CACNA2D1: variants seen among roughly 807,000 people sequenced by gnomAD.
CACNA2D1 encodes voltage-dependent calcium channel subunit alpha-2/delta-1.
CACNA2D1 carries 53 observed loss-of-function variants against 171.5 expected under a neutral mutation model. The ratio of observed to expected loss-of-function variants is 0.31; its 90% CI spans 0.25 to 0.39. The LOEUF (loss-of-function observed/expected upper bound fraction) is 0.39. CACNA2D1 is among the 10% of genes least tolerant of loss of function. The pLI is 1.00. For missense variants in CACNA2D1, 903 were observed against 1,299.8 expected (o/e 0.69, Z 4.69); for synonymous variants, 442 against 443.1 (o/e 1.00, Z 0.03).
At chr7:82,022,148 C>G (rs1048846009) in intron 12 of CACNA2D1, among the ~76,000 whole-genome samples, 3 of 151,376 alleles carry the variant, frequency 2.0e-5, no homozygotes, top group African/African-American at 7.3e-5. Flanking sequence ...TAAAATATTC[C>G]TTAGTTTGAG....
chr7:82,060,405 A>G (rs772948410), intron 10 of CACNA2D1, 23 bp downstream of exon 10: 2 of 1,492,194 alleles, frequency 1.3e-6, no homozygotes, highest in Non-Finnish European at 1.9e-6. Context: ...TAATTCAGGA[A>G]AATGCAGTCA....
intron 10 of CACNA2D1, among the ~76,000 whole-genome samples, chr7:82,047,298 A>G (rs1804666212): frequency 6.6e-6 from 1 of 152,142 alleles, no homozygotes; most frequent in African/African-American, 2.4e-5. Flanking sequence ...ATGATGAAAC[A>G]ATCACATACT....
chr7:82,419,115 A>AG (rs1828467831), intron 1 of CACNA2D1, among the ~76,000 whole-genome samples: 1 of 152,020 alleles, frequency 6.6e-6, no homozygotes, highest in East Asian at 1.9e-4. Context: ...ATCTCAAAAA[A>AG]AAAAAAAAAG....
In CACNA2D1 at chr7:82,440,527, T is replaced by G. The variant is rs146778173; in HGVS notation, c.95+2838A>C. On this transcript the variant is annotated intron_variant, in intron 1 of 38. Transcript: ENST00000356860. ...TATATATCAACCAATACACATTATG[T>G]GGCTGCTACCATATCATGTATTTAT... Among the ~76,000 whole-genome samples the G allele has an allele frequency of 5.4e-3, 822 of 152,022 alleles. 4 individuals are homozygous for G. The highest frequency in any genetic ancestry group is 0.019 in the African/African-American group (772 of 41,562).
At position 82,424,239 on chromosome 7, in the gene CACNA2D1, A is replaced by T. The variant is rs1439353299; in HGVS notation, c.95+19126T>A. The stretch of plus-strand genomic sequence containing the variant: ...CACTCTGAAAATAAAATGACTTAGG[A>T]CATGCACAGGCTGAGCAGGGAAGCA... On this transcript the variant is annotated intron_variant, in intron 1 of 38. Coordinates refer to ENST00000356860, the MANE Select transcript of CACNA2D1 (RefSeq NM_000722.4). Among the ~76,000 whole-genome samples the T allele has an allele frequency of 2.0e-5, 3 of 152,316 alleles. No homozygotes were observed. The East Asian group carries it at 5.8e-4, about 29-fold the overall frequency.
At chr7:82,105,180 G>C (rs1276878312) in intron 6 of CACNA2D1, among the ~76,000 whole-genome samples, 1 of 151,924 alleles carries the variant, frequency 6.6e-6, no homozygotes, top group African/African-American at 2.4e-5. Flanking sequence ...ACCAGAAATA[G>C]CATATATGCA....
intron 3 of CACNA2D1, among the ~76,000 whole-genome samples, chr7:82,275,261 ACT>A (rs1809178886): frequency 6.6e-6 from 1 of 152,210 alleles, no homozygotes; most frequent in Non-Finnish European, 1.5e-5. Context: ...CTAAAAAAGA[ACT>A]GGAAACAATA....
chr7:82,271,610 T>C lies in CACNA2D1; in HGVS notation c.294+63525A>G, dbSNP rs531584468. Reference sequence around the variant, plus strand: ...ATCATGCCATATTTTTGAATAAATATATTCTCCCTTTTGTGTGTGAAAAAT... The same window carrying C: ...ATCATGCCATATTTTTGAATAAATACATTCTCCCTTTTGTGTGTGAAAAAT... On this transcript the variant is annotated intron_variant, in intron 3 of 38. Transcript: ENST00000356860. Among the ~76,000 whole-genome samples, 16 of 152,186 alleles carry C rather than the reference T, an allele frequency of 1.1e-4. No individual in the cohort carries two copies. In the South Asian group the frequency reaches 2.1e-3, roughly 20 times the overall value.
rs932080938 is a variant in CACNA2D1, at chr7:82,099,422, C to CTTTTTTTTTTT, written c.527-14533_527-14523dup. Among the ~76,000 whole-genome samples the CTTTTTTTTTTT allele has an allele frequency of 3.2e-4, 13 of 40,280 alleles. 2 individuals carry two copies. Among genetic ancestry groups the CTTTTTTTTTTT allele is most frequent in the Non-Finnish European group, 6.4e-4 (13 of 20,264 alleles). The allele number at this position is 40,280 out of a possible 152,430, so 26.4% of individuals were successfully genotyped here. A position where few individuals can be genotyped will look rare whatever the true frequency, so the allele number is the denominator to read the frequency against. On this transcript the variant is annotated intron_variant, in intron 6 of 38. Coordinates refer to ENST00000356860, the MANE Select transcript of CACNA2D1 (RefSeq NM_000722.4). ...ACTCTAAAACAGGTAGCAATACCTTCTTTTTTTTTTTTTTTTTTTTTTTTT... is the reference window on the plus strand; with the variant it reads ...ACTCTAAAACAGGTAGCAATACCTTCTTTTTTTTTTTTTTTTTTTTTTTTTTTTTTTTTTTT...
At chr7:82,127,544 A>T (rs532286802) in intron 5 of CACNA2D1, among the ~76,000 whole-genome samples, 8 of 152,332 alleles carry the variant, frequency 5.3e-5, no homozygotes, top group Non-Finnish European at 1.0e-4. Context: ...ACTTTAGTAG[A>T]GAAGATCAAA....
intron 12 of CACNA2D1, among the ~76,000 whole-genome samples, chr7:82,016,243 G>A (rs555613736): frequency 1.3e-5 from 2 of 152,204 alleles, no homozygotes; most frequent in South Asian, 4.1e-4. Context: ...CACCCTAACT[G>A]ATAATTCAAT....
At chr7:82,066,391 C>CT (rs1807604084) in intron 8 of CACNA2D1, 64 bp downstream of exon 8, 2 of 1,585,238 alleles carry the variant, frequency 1.3e-6, no homozygotes, top group African/African-American at 2.7e-5. Flanking sequence ...AAAATTCTGA[C>CT]TTTTTAGCAA....
chr7:81,986,907 C>T (rs903007157), intron 21 of CACNA2D1, among the ~76,000 whole-genome samples: 1 of 152,108 alleles, frequency 6.6e-6, no homozygotes, highest in Admixed American at 6.6e-5. Context: ...CCCAGAAATT[C>T]TTCTCAAGGG....
intron 1 of CACNA2D1, among the ~76,000 whole-genome samples, chr7:82,356,130 CT>C (rs1820394882): frequency 6.7e-6 from 1 of 148,714 alleles, no homozygotes; most frequent in Non-Finnish European, 1.5e-5. Context: ...TTTATACCAT[CT>C]CTATGCTAAA....
intron 38 of CACNA2D1, among the ~76,000 whole-genome samples, chr7:81,959,020 G>A (rs1200051481): frequency 1.3e-5 from 2 of 151,952 alleles, no homozygotes; most frequent in Non-Finnish European, 2.9e-5. Context: ...TTTACTATGA[G>A]TTAAATTGAT....
intron 1 of CACNA2D1, among the ~76,000 whole-genome samples, chr7:82,363,158 C>T (rs1821266975): frequency 6.6e-6 from 1 of 151,584 alleles, no homozygotes; most frequent in South Asian, 2.1e-4. Flanking sequence ...ATTTCTAATG[C>T]CTACCAAAAG....
rs188455786 is a variant in CACNA2D1, at chr7:82,088,130, C to A, written c.527-3230G>T. Among the ~76,000 whole-genome samples, 29 of 151,982 alleles carry A rather than the reference C, an allele frequency of 1.9e-4. No individual in the cohort carries two copies. The East Asian group carries it at 5.4e-3, about 28-fold the overall frequency. On this transcript the variant is annotated intron_variant, in intron 6 of 38. Transcript: ENST00000356860. ...TGTTTTTAACTATTCTGGTTACAAC[C>A]GGGTAAGTCAAGTGCTTTTTAAAGT...
At chr7:82,185,257 T>C (rs1797540635) in intron 3 of CACNA2D1, among the ~76,000 whole-genome samples, 1 of 151,568 alleles carries the variant, frequency 6.6e-6, no homozygotes. Flanking sequence ...TAGCATCCTT[T>C]TACATCTGGT....
rs116600911 is a variant in CACNA2D1 at position 82,164,611 on chromosome 7, T to C, written c.354+5939A>G. 5.8e-3 allele frequency among the ~76,000 whole-genome samples: 875 copies of C among 152,060 alleles called. 7 individuals are homozygous for C. Among genetic ancestry groups the C allele is most frequent in the African/African-American group, 0.02 (824 of 41,522 alleles). ...ACAGGAGTAATAGCTGCTGGAGAGA[T>C]TATGCAATACAAAATTTAGGAAAGG... On this transcript the variant is annotated intron_variant, in intron 4 of 38. Transcript: ENST00000356860.
Sources: allele counts gnomAD v4.1 joint callset (sites outside exome capture counted in the v4.1 genomes callset), GRCh38; gene constraint gnomAD v4.1.1; transcripts MANE v1.5; gene names NCBI Gene and HGNC (gene_info 2026-07-23, HGNC 2026-07-21).